Variants in PRKCA observed in about 807,000 individuals in gnomAD.
PRKCA encodes protein kinase C alpha.
PRKCA carries 27 observed loss-of-function variants against 87.0 expected under a neutral mutation model. The observed-to-expected ratio is 0.31, with a 90% CI of 0.23 to 0.43. The LOEUF is 0.43. PRKCA is among the 20% of genes least tolerant of loss of function. The probability of loss-of-function intolerance (pLI) is 1.00; values close to 1 mark genes in which losing one functional copy is unlikely to be tolerated. For synonymous variants in PRKCA, 329 were observed against 311.1 expected (o/e 1.06, Z -0.61); for missense variants, 518 against 852.3 (o/e 0.61, Z 4.88).
chr17:66,383,565 A>C (rs973394387), intron 2 of PRKCA, among the ~76,000 whole-genome samples: 5 of 152,208 alleles, frequency 3.3e-5, no homozygotes, highest in Non-Finnish European at 7.3e-5. Context: ...ATTCTAGGTC[A>C]GTGGAATGAT....
At chr17:66,441,161 CCAAAAAAAAAA>C (rs571513782) in intron 2 of PRKCA, among the ~76,000 whole-genome samples, 1,995 of 96,346 alleles carry the variant, frequency 0.021, 35 homozygotes, top group African/African-American at 0.093. Flanking sequence ...AACTCTGTCT[CCAAAAAAAAAA>C]AAAAAAAAAA....
rs1489684110 is a variant in PRKCA, at chr17:66,806,005, C to G, written c.*1968C>G. 6.6e-6 allele frequency: 1 copy of G among 152,302 alleles called. No individual in the cohort carries two copies. Among genetic ancestry groups the G allele is most frequent in the Non-Finnish European group, 1.5e-5 (1 of 68,088 alleles). 9.4% of individuals were successfully genotyped at this position (152,302 alleles called of 1,614,324 possible). The stretch of plus-strand genomic sequence containing the variant: ...CGTGCCCTGCAGGCACCAGCACGTG[C>G]TTTTCAGAGGCTGCGGACTTTCTTC... On this transcript the variant is annotated 3_prime_UTR_variant, in exon 17 of 17. Coordinates refer to ENST00000413366, the MANE Select transcript of PRKCA (RefSeq NM_002737.3).
At chr17:66,515,008 C>A (rs960260836) in intron 3 of PRKCA, among the ~76,000 whole-genome samples, 2 of 152,024 alleles carry the variant, frequency 1.3e-5, no homozygotes, top group African/African-American at 4.8e-5. Context: ...ATAATCCCAG[C>A]ACTTTGGGAG....
At chr17:66,584,089 C>T (rs1288087169) in intron 3 of PRKCA, among the ~76,000 whole-genome samples, 1 of 152,134 alleles carries the variant, frequency 6.6e-6, no homozygotes, top group African/African-American at 2.4e-5. Context: ...TCTTCCTTCC[C>T]CCACGTCGTC....
chr17:66,587,891 GTGTGTATATATA>G lies in PRKCA; in HGVS notation c.289-53462_289-53451del, dbSNP rs1399650815. On this transcript the variant is annotated intron_variant, in intron 3 of 16. Transcript: ENST00000413366. ...TGTATGTGTGTGTGTGTGTGTGTGT[GTGTGTATATATA>G]TATATATATATATATATATATATAT... 6.9e-5 allele frequency among the ~76,000 whole-genome samples: 6 copies of G among 87,132 alleles called. 1 individual carries two copies. Among genetic ancestry groups the G allele is most frequent in the African/African-American group, 1.1e-4 (2 of 18,982 alleles). 57.2% of individuals were successfully genotyped at this position (87,132 alleles called of 152,430 possible).
At chr17:66,354,700 G>T (rs927983530) in intron 2 of PRKCA, among the ~76,000 whole-genome samples, 1 of 151,948 alleles carries the variant, frequency 6.6e-6, no homozygotes, top group African/African-American at 2.4e-5. Context: ...TCCCTCTTAG[G>T]CCATTAATCC....
intron 14 of PRKCA, among the ~76,000 whole-genome samples, chr17:66,780,546 C>T (rs950524737): frequency 1.3e-5 from 2 of 151,814 alleles, no homozygotes; most frequent in Non-Finnish European, 2.9e-5. Flanking sequence ...CGTGGTGGTG[C>T]ACACCTGTAA....
At chr17:66,781,868 G>GAGATATATATATATATAT (rs1491546533) in intron 14 of PRKCA, among the ~76,000 whole-genome samples, 10 of 99,352 alleles carry the variant, frequency 1.0e-4, no homozygotes, top group African/African-American at 3.4e-4. Context: ...GAGAGAGAGA[G>GAGATATATATATATATAT]ATATATATAT....
At chr17:66,562,059 AATATATATAATTAAATT>A (rs1389889009) in intron 3 of PRKCA, among the ~76,000 whole-genome samples, 4 of 123,200 alleles carry the variant, frequency 3.2e-5, no homozygotes, top group Non-Finnish European at 5.4e-5. Flanking sequence ...TATATAATTA[AATATATATAATTAAATT>A]ATATATATAA....
chr17:66,747,192 C>T (rs1974312100), intron 13 of PRKCA, among the ~76,000 whole-genome samples: 1 of 152,174 alleles, frequency 6.6e-6, no homozygotes, highest in Non-Finnish European at 1.5e-5. Context: ...ACCTCAACCT[C>T]TTGGGTAACT....
chr17:66,638,575 T>G (rs1194995375), intron 3 of PRKCA, among the ~76,000 whole-genome samples: 2 of 152,182 alleles, frequency 1.3e-5, no homozygotes, highest in Non-Finnish European at 2.9e-5. Context: ...CAAATCTGTG[T>G]CTTTAAAAAG....
intron 2 of PRKCA, among the ~76,000 whole-genome samples, chr17:66,382,413 G>C (rs966881074): frequency 2.0e-5 from 3 of 152,128 alleles, no homozygotes; most frequent in Non-Finnish European, 1.5e-5. Flanking sequence ...CGATTCTCCT[G>C]CCTCAGTCTC....
At chr17:66,761,247 G>A (rs1974676842) in intron 13 of PRKCA, among the ~76,000 whole-genome samples, 1 of 151,510 alleles carries the variant, frequency 6.6e-6, no homozygotes, top group Admixed American at 6.6e-5. Context: ...GCGTGTGCCT[G>A]TGGTCCTAGC....
chr17:66,545,684 A>G (rs1383316947), intron 3 of PRKCA, among the ~76,000 whole-genome samples: 1 of 152,198 alleles, frequency 6.6e-6, no homozygotes. Context: ...CTTCAAGGAA[A>G]AATGTCAGGC....
At chr17:66,578,382 C>T (rs902279320) in intron 3 of PRKCA, among the ~76,000 whole-genome samples, 1 of 152,028 alleles carries the variant, frequency 6.6e-6, no homozygotes. Context: ...AAGTCCTTGG[C>T]GAAGGATAAA....
intron 2 of PRKCA, among the ~76,000 whole-genome samples, chr17:66,486,228 T>A (rs7210816): frequency 0.47 from 71,378 of 151,786 alleles, 18,129 homozygotes; most frequent in African/African-American, 0.67. Flanking sequence ...CATAAAGCAG[T>A]TACCATTTAA....
intron 2 of PRKCA, among the ~76,000 whole-genome samples, chr17:66,399,824 A>T (rs1480851935): frequency 6.6e-6 from 1 of 152,198 alleles, no homozygotes; most frequent in African/African-American, 2.4e-5. Flanking sequence ...AACATTATAT[A>T]TATGGATATG....
chr17:66,324,209 G>A (rs2143233800), intron 2 of PRKCA, among the ~76,000 whole-genome samples: 1 of 152,170 alleles, frequency 6.6e-6, no homozygotes, highest in African/African-American at 2.4e-5. Context: ...TATGGAGAAA[G>A]AGTTTTCATA....
chr17:66,317,357 A>G (rs980629362), intron 2 of PRKCA, among the ~76,000 whole-genome samples: 1 of 152,106 alleles, frequency 6.6e-6, no homozygotes, highest in African/African-American at 2.4e-5. Flanking sequence ...ATTAGTTTTC[A>G]TCTGGGATTG....
Sources: gnomAD v4.1 joint callset for allele counts (sites outside exome capture counted in the v4.1 genomes callset) on GRCh38, gnomAD v4.1.1 for gene constraint, MANE v1.5 for transcripts, NCBI Gene and HGNC (gene_info 2026-07-23, HGNC 2026-07-21) for gene names.